The following PEX5L variants were observed in gnomAD, a reference collection of about 807,000 sequenced individuals.
PEX5L encodes the protein PEX5-related protein.
A neutral mutation model predicts 84.0 loss-of-function variants in PEX5L; 30 were observed. The observed-to-expected ratio is 0.36, with a 90% CI of 0.27 to 0.48. The LOEUF (loss-of-function observed/expected upper bound fraction) is 0.48, where lower values mean the gene tolerates loss of function less well. Ranked by LOEUF, PEX5L falls within the 20% of genes least tolerant of loss-of-function variation. PEX5L has a pLI of 0.99. For synonymous variants in PEX5L, 270 were observed against 283.1 expected, an observed-to-expected ratio of 0.95 and a Z score of 0.46; for missense variants, 533 against 754.6, an observed-to-expected ratio of 0.71 and a Z score of 3.44.
chr3:179,954,703 G>A (rs1278094061), intron 2 of PEX5L, among the ~76,000 whole-genome samples: 3 of 152,160 alleles, frequency 2.0e-5, no homozygotes, highest in African/African-American at 7.2e-5. Context: ...GAGGCAGACA[G>A]ACCTGATTTC....
At chr3:179,944,982 A>G (rs1429662649) in intron 2 of PEX5L, among the ~76,000 whole-genome samples, 1 of 152,222 alleles carries the variant, frequency 6.6e-6, no homozygotes, top group Non-Finnish European at 1.5e-5. Flanking sequence ...ATTTCTTGAT[A>G]GCAGGTTGTC....
intron 1 of PEX5L, among the ~76,000 whole-genome samples, chr3:180,030,647 G>C (rs1240046019): frequency 1.3e-5 from 2 of 152,152 alleles, no homozygotes; most frequent in African/African-American, 4.8e-5. Context: ...AGGGTGTGTG[G>C]GAGTGGGGAT....
At chr3:179,986,545 G>A (rs1040887332) in intron 1 of PEX5L, among the ~76,000 whole-genome samples, 12 of 151,850 alleles carry the variant, frequency 7.9e-5, no homozygotes, top group Admixed American at 2.0e-4. Context: ...TGGGACTACA[G>A]GCGCCCGCCA....
chr3:179,811,507 C>T lies in PEX5L; in HGVS notation c.1154+294G>A, dbSNP rs576030468. Among the ~76,000 whole-genome samples, 29 of 152,242 alleles carry T rather than the reference C, an allele frequency of 1.9e-4. 2 individuals are homozygous for T. In the South Asian group the frequency reaches 6.0e-3, roughly 32 times the overall value. On this transcript the variant is annotated intron_variant, in intron 11 of 14. Coordinates refer to ENST00000467460, the MANE Select transcript of PEX5L (RefSeq NM_016559.3). ...TTTCAGATGTTTCAGAAGGCTAAAA[C>T]GTTAAAAGGAACTATTTATTCAATG...
At chr3:179,871,100 CTTTTTTTT>C (rs397801213) in intron 7 of PEX5L, among the ~76,000 whole-genome samples, 5 of 95,032 alleles carry the variant, frequency 5.3e-5, no homozygotes, top group East Asian at 2.4e-4. Flanking sequence ...TTGAGTTATA[CTTTTTTTT>C]TTTTTTTTTT....
chr3:179,889,256 G>T (rs1433493218), intron 3 of PEX5L, among the ~76,000 whole-genome samples: 1 of 152,162 alleles, frequency 6.6e-6, no homozygotes, highest in Admixed American at 6.5e-5. Flanking sequence ...GATGGAAGGT[G>T]GCAGGGGACC....
chr3:179,905,428 A>G (rs1231589800), intron 2 of PEX5L, among the ~76,000 whole-genome samples: 1 of 151,836 alleles, frequency 6.6e-6, no homozygotes, highest in Non-Finnish European at 1.5e-5. Context: ...GCCCGCCACC[A>G]CGCCCGGCTA....
chr3:179,865,441 C>T (rs1747767533), intron 7 of PEX5L, among the ~76,000 whole-genome samples: 1 of 151,666 alleles, frequency 6.6e-6, no homozygotes, highest in South Asian at 2.1e-4. Context: ...CTCAGACATA[C>T]AGGTTTAGGA....
chr3:180,034,278 T>C (rs1039327565), intron 1 of PEX5L, among the ~76,000 whole-genome samples: 2 of 152,242 alleles, frequency 1.3e-5, no homozygotes, highest in Non-Finnish European at 2.9e-5. Context: ...AGTAACATTA[T>C]GTTTCAAATT....
At position 179,800,772 on chromosome 3, in the gene PEX5L, C is replaced by CA. The variant is rs1455610805; in HGVS notation, c.*1055dup. On this transcript the variant is annotated 3_prime_UTR_variant, in exon 15 of 15. Coordinates refer to ENST00000467460, the MANE Select transcript of PEX5L (RefSeq NM_016559.3). Reference sequence around the variant, plus strand: ...ATTTTTAGGAAAAAATGTTATTTATCACTCTTAAGAAATATTATTTAAAAT... The same window carrying CA: ...ATTTTTAGGAAAAAATGTTATTTATCAACTCTTAAGAAATATTATTTAAAAT... 2 of 152,142 alleles carry CA rather than the reference C, an allele frequency of 1.3e-5. No homozygotes were observed. Among genetic ancestry groups the CA allele is most frequent in the African/African-American group, 4.8e-5 (2 of 41,428 alleles). The allele number at this position is 152,142 out of a possible 1,614,324, so 9.4% of individuals were successfully genotyped here.
chr3:179,889,624 G>C (rs1395539096), intron 3 of PEX5L, among the ~76,000 whole-genome samples: 2 of 152,110 alleles, frequency 1.3e-5, no homozygotes, highest in East Asian at 3.9e-4. Context: ...ATTTTGCTAG[G>C]AATCAAATCC....
chr3:179,853,085 G>A (rs1742552184), intron 8 of PEX5L, among the ~76,000 whole-genome samples: 1 of 152,122 alleles, frequency 6.6e-6, no homozygotes, highest in African/African-American at 2.4e-5. Flanking sequence ...ATCTGGTATG[G>A]GAGATCGACA....
chr3:179,917,617 G>T (rs1319818065), intron 2 of PEX5L, among the ~76,000 whole-genome samples: 1 of 152,130 alleles, frequency 6.6e-6, no homozygotes, highest in Non-Finnish European at 1.5e-5. Context: ...AATCTCATGG[G>T]ACCACTGTCG....
chr3:179,796,225 C>T lies in PEX5L; in HGVS notation c.*5603G>A, dbSNP rs909514126. 29 of 143,548 alleles carry T rather than the reference C, an allele frequency of 2.0e-4. No individual in the cohort carries two copies. The highest frequency in any genetic ancestry group is 6.9e-4 in the African/African-American group (28 of 40,862). The allele number at this position is 143,548 out of a possible 1,614,324, so 8.9% of individuals were successfully genotyped here. On this transcript the variant is annotated 3_prime_UTR_variant, in exon 15 of 15. Coordinates refer to ENST00000467460, the MANE Select transcript of PEX5L (RefSeq NM_016559.3). ...GAATGATACACATTTTATAGTTGAG[C>T]AAAGAACTGCCTAATTGTTGTTGTT... is the stretch of plus-strand genomic sequence containing the variant.
At chr3:179,890,952 A>C (rs1171861419) in intron 3 of PEX5L, among the ~76,000 whole-genome samples, 1 of 151,228 alleles carries the variant, frequency 6.6e-6, no homozygotes, top group African/African-American at 2.4e-5. Context: ...TGTCTGCTTT[A>C]CCAAAGGTAA....
At position 179,846,313 on chromosome 3, in the gene PEX5L, C is replaced by G. The variant is rs560207721; in HGVS notation, c.822+12749G>C. Among the ~76,000 whole-genome samples the G allele has an allele frequency of 6.0e-4, 91 of 152,310 alleles. 1 individual carries two copies. Among genetic ancestry groups the G allele is most frequent in the African/African-American group, 2.1e-3 (88 of 41,566 alleles). Reference sequence around the variant, plus strand: ...ATCAGGGTAATTAGGCTATCCTACACCTCACACACTTACCATTTCTTTGTG... The same window carrying G: ...ATCAGGGTAATTAGGCTATCCTACAGCTCACACACTTACCATTTCTTTGTG... On this transcript the variant is annotated intron_variant, in intron 8 of 14. Transcript: ENST00000467460.
At chr3:179,875,217 G>T (rs1277104143) in intron 6 of PEX5L, 137 bp downstream of exon 6, 3 of 718,360 alleles carry the variant, frequency 4.2e-6, no homozygotes, top group Admixed American at 5.1e-5. Context: ...GTTGGTAGAA[G>T]CCACAATAAT....
intron 1 of PEX5L, among the ~76,000 whole-genome samples, chr3:180,019,524 G>C (rs1404466023): frequency 6.6e-6 from 1 of 152,146 alleles, no homozygotes; most frequent in African/African-American, 2.4e-5. Flanking sequence ...AGTGATTTAA[G>C]GTAGAAGCAT....
At chr3:179,840,206 G>C (rs1382063737) in intron 8 of PEX5L, among the ~76,000 whole-genome samples, 1 of 21,756 alleles carries the variant, frequency 4.6e-5, no homozygotes, top group African/African-American at 1.9e-4. Flanking sequence ...TTTTTTTTTT[G>C]AGATGGAGTT....
Sources: gnomAD v4.1 joint callset for allele counts (sites outside exome capture counted in the v4.1 genomes callset) on GRCh38, gnomAD v4.1.1 for gene constraint, MANE v1.5 for transcripts, NCBI Gene and HGNC (gene_info 2026-07-23, HGNC 2026-07-21) for gene names.